GRM5: variants seen among roughly 807,000 people sequenced by gnomAD.
GRM5 encodes the protein metabotropic glutamate receptor 5.
In GRM5, 19 loss-of-function variants were observed where a neutral mutation model predicts 83.1. That is an observed-to-expected ratio of 0.23 (90% CI 0.16 to 0.34). The LOEUF is 0.34. Among genes scored for constraint, GRM5 ranks in the 10% least tolerant of loss-of-function variants. The pLI is 1.00. For missense variants in GRM5, 1,160 were observed against 1,588.3 expected, an observed-to-expected ratio of 0.73 and a Z score of 4.58; for synonymous variants, 675 against 633.6, an observed-to-expected ratio of 1.07 and a Z score of -0.98.
At chr11:88,722,552 G>C (rs1941570750) in intron 3 of GRM5, among the ~76,000 whole-genome samples, 1 of 152,118 alleles carries the variant, frequency 6.6e-6, no homozygotes. Flanking sequence ...GATTTGTCCA[G>C]GAGGGACTGG....
chr11:88,685,862 G>T (rs958328136), intron 3 of GRM5, among the ~76,000 whole-genome samples: 1 of 152,190 alleles, frequency 6.6e-6, no homozygotes, highest in Non-Finnish European at 1.5e-5. Flanking sequence ...GTATAGAAAT[G>T]CCTGGATGCC....
intron 3 of GRM5, among the ~76,000 whole-genome samples, chr11:88,828,151 CA>C (rs1183242985): frequency 5.3e-5 from 8 of 152,208 alleles, no homozygotes; most frequent in African/African-American, 1.7e-4. Flanking sequence ...TGAATTGGGA[CA>C]GGGGAGGAGC....
At chr11:88,631,258 T>G (rs1938961888) in intron 4 of GRM5, among the ~76,000 whole-genome samples, 1 of 152,202 alleles carries the variant, frequency 6.6e-6, no homozygotes, top group Admixed American at 6.5e-5. Context: ...AACACCTACA[T>G]GCATATGAAG....
At chr11:88,840,185 A>G (rs774123869) in intron 3 of GRM5, among the ~76,000 whole-genome samples, 1 of 152,176 alleles carries the variant, frequency 6.6e-6, no homozygotes, top group African/African-American at 2.4e-5. Flanking sequence ...GTTTCTATAC[A>G]GTACCAATCC....
intron 2 of GRM5, among the ~76,000 whole-genome samples, chr11:88,948,150 C>T (rs1005767685): frequency 2.0e-4 from 30 of 152,182 alleles, no homozygotes; most frequent in African/African-American, 7.2e-4. Context: ...TCTGTATGAC[C>T]GTCCTTTTCT....
At chr11:88,693,661 C>T (rs1940835636) in intron 3 of GRM5, among the ~76,000 whole-genome samples, 2 of 152,138 alleles carry the variant, frequency 1.3e-5, no homozygotes, top group Admixed American at 1.3e-4. Flanking sequence ...CCATGTAAGC[C>T]TTAGAACCCC....
In GRM5 at chr11:88,888,797, T is replaced by C. The variant is rs543379591; in HGVS notation, c.662-38642A>G. Among the ~76,000 whole-genome samples, 132 of 152,320 alleles carry C rather than the reference T, an allele frequency of 8.7e-4. 1 individual carries two copies. The highest frequency in any genetic ancestry group is 3.0e-3 in the African/African-American group (124 of 41,586). On this transcript the variant is annotated intron_variant, in intron 2 of 9. Transcript: ENST00000305447. ...GGTGTGCTTTGTGTGTCTTTCTGTA[T>C]GGTTCTGTCCAAAGAAAAGTTACTT...
chr11:89,002,728 G>A (rs569693551), intron 2 of GRM5, among the ~76,000 whole-genome samples: 2 of 152,138 alleles, frequency 1.3e-5, no homozygotes, highest in East Asian at 3.9e-4. Context: ...ACATAAATCA[G>A]AGAACCTCAT....
chr11:88,559,826 G>C (rs1228917998), intron 8 of GRM5, among the ~76,000 whole-genome samples: 1 of 152,138 alleles, frequency 6.6e-6, no homozygotes, highest in Non-Finnish European at 1.5e-5. Flanking sequence ...TGGTGCAAAA[G>C]AGTCTTTCAA....
chr11:88,847,094 T>G (rs1230836839), intron 3 of GRM5, among the ~76,000 whole-genome samples: 2 of 152,210 alleles, frequency 1.3e-5, no homozygotes, highest in Non-Finnish European at 2.9e-5. Context: ...AGTTAGTAGA[T>G]GTAAACTTTT....
intron 2 of GRM5, among the ~76,000 whole-genome samples, chr11:89,006,032 C>T (rs1940514161): frequency 6.6e-6 from 1 of 152,004 alleles, no homozygotes; most frequent in South Asian, 2.1e-4. Flanking sequence ...AAAAAGGCGT[C>T]CAGGGGTTTG....
At chr11:88,861,187 A>C in intron 2 of GRM5, among the ~76,000 whole-genome samples, 1 of 152,148 alleles carries the variant, frequency 6.6e-6, no homozygotes. Flanking sequence ...TTCAGGGTAG[A>C]ATTCAAACTT....
At chr11:88,793,729 G>A (rs1209658864) in intron 3 of GRM5, among the ~76,000 whole-genome samples, 7 of 152,150 alleles carry the variant, frequency 4.6e-5, no homozygotes, top group Non-Finnish European at 1.0e-4. Flanking sequence ...ACGGGAGTCA[G>A]GAAGCACTCA....
At chr11:88,772,199 T>C (rs1412236122) in intron 3 of GRM5, among the ~76,000 whole-genome samples, 1 of 152,070 alleles carries the variant, frequency 6.6e-6, no homozygotes, top group Non-Finnish European at 1.5e-5. Flanking sequence ...TTAGTTTAAA[T>C]TCAGGACTAA....
chr11:88,798,825 A>AAAAAAAAAAAAAAAAAAAC (rs777932007), intron 3 of GRM5, among the ~76,000 whole-genome samples: 3 of 145,296 alleles, frequency 2.1e-5, no homozygotes, highest in Admixed American at 1.5e-4. Flanking sequence ...AAAAAAAAAA[A>AAAAAAAAAAAAAAAAAAAC]AACAACAACA....
chr11:88,980,320 T>C (rs532112366), intron 2 of GRM5, among the ~76,000 whole-genome samples: 1 of 152,298 alleles, frequency 6.6e-6, no homozygotes, highest in Admixed American at 6.5e-5. Context: ...CTAGGCAATG[T>C]TTGTTAATGA....
intron 2 of GRM5, among the ~76,000 whole-genome samples, chr11:88,929,619 C>T (rs1318536308): frequency 2.0e-5 from 3 of 151,966 alleles, no homozygotes; most frequent in Non-Finnish European, 1.5e-5. Context: ...TGTTATTATT[C>T]AAAGGTATTT....
chr11:88,616,814 C>G (rs1478739961), intron 4 of GRM5, among the ~76,000 whole-genome samples: 1 of 152,148 alleles, frequency 6.6e-6, no homozygotes. Flanking sequence ...ACATAACTAT[C>G]TCTAACCTGG....
chr11:88,778,533 A>G (rs1254868246), intron 3 of GRM5, among the ~76,000 whole-genome samples: 1 of 152,190 alleles, frequency 6.6e-6, no homozygotes, highest in Non-Finnish European at 1.5e-5. Flanking sequence ...CGTCTTCTGC[A>G]TCGATCACAT....
Sources: gnomAD v4.1 joint callset for allele counts (sites outside exome capture counted in the v4.1 genomes callset) on GRCh38, gnomAD v4.1.1 for gene constraint, MANE v1.5 for transcripts, NCBI Gene and HGNC (gene_info 2026-07-23, HGNC 2026-07-21) for gene names.